The following EXOC2 variants were observed in gnomAD, a reference collection of about 807,000 sequenced individuals.
EXOC2 encodes exocyst complex component 2.
EXOC2 carries 70 observed loss-of-function variants against 131.8 expected under a neutral mutation model. That is an observed-to-expected ratio of 0.53 (90% CI 0.44 to 0.65). The LOEUF (loss-of-function observed/expected upper bound fraction) is 0.65, where lower values mean the gene tolerates loss of function less well. Ranked by LOEUF, EXOC2 falls within the 30% of genes least tolerant of loss-of-function variation. The pLI is 0.00. For missense variants in EXOC2, 923 were observed against 1,108.6 expected (o/e 0.83, Z 2.38); for synonymous variants, 411 against 398.4 (o/e 1.03, Z -0.38).
chr6:487,132 G>C (rs1274839050), intron 27 of EXOC2, among the ~76,000 whole-genome samples: 1 of 152,126 alleles, frequency 6.6e-6, no homozygotes, highest in Non-Finnish European at 1.5e-5. Context: ...CGCTGGCAAA[G>C]CCATACCGGA....
chr6:568,442 C>A (rs2127591089), intron 13 of EXOC2, among the ~76,000 whole-genome samples: 1 of 152,326 alleles, frequency 6.6e-6, no homozygotes, highest in African/African-American at 2.4e-5. Flanking sequence ...ACAGCATCGG[C>A]CATCCAGCTG....
At chr6:585,791 C>T (rs958506807) in intron 11 of EXOC2, among the ~76,000 whole-genome samples, 8 of 152,132 alleles carry the variant, frequency 5.3e-5, no homozygotes, top group African/African-American at 1.9e-4. Context: ...ATTATTTTTC[C>T]GTTTGAAATA....
At chr6:561,536 A>C (rs1462411779) in intron 17 of EXOC2, among the ~76,000 whole-genome samples, 1 of 152,176 alleles carries the variant, frequency 6.6e-6, no homozygotes, top group East Asian at 1.9e-4. Flanking sequence ...AGACCATTTC[A>C]TTCTAGTTTC....
At chr6:547,358 G>A (rs1261580875) in intron 22 of EXOC2, among the ~76,000 whole-genome samples, 2 of 152,194 alleles carry the variant, frequency 1.3e-5, no homozygotes, top group Non-Finnish European at 2.9e-5. Flanking sequence ...CACTTGGCCT[G>A]CCCTGGCTCA....
intron 4 of EXOC2, among the ~76,000 whole-genome samples, chr6:622,441 G>T (rs1761339599): frequency 6.6e-6 from 1 of 152,220 alleles, no homozygotes; most frequent in South Asian, 2.1e-4. Flanking sequence ...CGCCCATGGT[G>T]CTGCGCTGTG....
chr6:658,677 T>TG (rs1763275329), intron 1 of EXOC2, among the ~76,000 whole-genome samples: 2 of 143,000 alleles, frequency 1.4e-5, no homozygotes, highest in South Asian at 4.3e-4. Context: ...TTTTTTTTTT[T>TG]TTAGACGAAG....
At chr6:653,115 C>T (rs1182215931) in intron 1 of EXOC2, among the ~76,000 whole-genome samples, 2 of 152,156 alleles carry the variant, frequency 1.3e-5, no homozygotes, top group East Asian at 3.8e-4. Flanking sequence ...ACTGTTCCAC[C>T]AACCAGCATT....
intron 17 of EXOC2, among the ~76,000 whole-genome samples, chr6:560,396 T>C (rs909883611): frequency 2.6e-5 from 4 of 152,252 alleles, no homozygotes; most frequent in African/African-American, 9.6e-5. Flanking sequence ...AGGTGTATAA[T>C]GTTAGCCACA....
At chr6:629,763 C>T (rs1581589738) in intron 4 of EXOC2, 72 bp downstream of exon 4, 1 of 1,559,668 alleles carries the variant, frequency 6.4e-7, no homozygotes, top group East Asian at 2.3e-5. Context: ...AGTTTGAGTC[C>T]CTTTCCTGTA....
Position 522,111 on chromosome 6 carries a change from C to T in EXOC2, c.2380+10358G>A, listed in dbSNP as rs181912286. 7.9e-5 allele frequency among the ~76,000 whole-genome samples: 12 copies of T among 152,340 alleles called. No homozygotes were observed. In the East Asian group the frequency reaches 2.1e-3, roughly 27 times the overall value. On this transcript the variant is annotated intron_variant, in intron 23 of 27. Transcript: ENST00000230449. ...CTGGATGCTTACTCCAAGCCAGGTG[C>T]CTGGCTAATCATGGATACAGAGAGG...
intron 1 of EXOC2, among the ~76,000 whole-genome samples, chr6:638,681 C>G (rs1044488340): frequency 3.9e-5 from 6 of 152,146 alleles, no homozygotes; most frequent in African/African-American, 1.4e-4. Context: ...GCCTGTAATC[C>G]CAGCACTGTC....
intron 4 of EXOC2, among the ~76,000 whole-genome samples, chr6:622,563 GA>G (rs1761347031): frequency 6.6e-6 from 1 of 152,176 alleles, no homozygotes; most frequent in Non-Finnish European, 1.5e-5. Context: ...AGTAACGCAA[GA>G]AAGTATAAAA....
Position 564,557 on chromosome 6 carries a change from A to G in EXOC2, c.1655T>C (p.Ile552Thr). 1 of 1,614,132 alleles carries G rather than the reference A, an allele frequency of 6.2e-7. No homozygotes were observed. The highest frequency in any genetic ancestry group is 8.5e-7 in the Non-Finnish European group (1 of 1,180,032). Residue 552 changes from isoleucine (I) to threonine (T), a missense_variant, in exon 15 of 28, where the codon ATC (isoleucine) becomes ACC (threonine). By Grantham distance (89) the Ile-to-Thr change is moderately conservative (BLOSUM62 -1). Transcript: ENST00000230449. ...TGTCCATACTCACCTTACAGTCTGGATGGCGTGAGCGAGCCACTGTCCGGA... is the reference window on the plus strand; with the variant it reads ...TGTCCATACTCACCTTACAGTCTGGGTGGCGTGAGCGAGCCACTGTCCGGA... ...ELSGQWLAHA[I>T]QTVRLTHESL... is the part of the protein sequence containing the mutation.
chr6:571,506 T>C (rs1028423742), intron 13 of EXOC2, among the ~76,000 whole-genome samples: 5 of 152,186 alleles, frequency 3.3e-5, no homozygotes, highest in African/African-American at 1.2e-4. Context: ...ATTTCCTTAA[T>C]ATCAGCATGA....
chr6:664,863 CT>C (rs149339285), intron 1 of EXOC2, among the ~76,000 whole-genome samples: 1,983 of 152,238 alleles, frequency 0.013, 49 homozygotes, highest in African/African-American at 0.045. Context: ...AAAACCCCTT[CT>C]AGACATTGGC....
intron 22 of EXOC2, among the ~76,000 whole-genome samples, chr6:537,538 T>G (rs1343475588): frequency 1.3e-5 from 2 of 152,196 alleles, no homozygotes; most frequent in Non-Finnish European, 2.9e-5. Context: ...GTGTACACTC[T>G]GGAAAACTAC....
Position 599,209 on chromosome 6 carries a change from T to A in EXOC2, c.759A>T (p.Ala253=). The change falls in exon 8 of 28, where the codon GCA becomes GCT. Residue 253 remains alanine, a synonymous_variant. Coordinates refer to ENST00000230449, the MANE Select transcript of EXOC2 (RefSeq NM_018303.6). ...ENVLNRASNT[A]DTLFQEVLGR... The stretch of plus-strand genomic sequence containing the variant: ...CTAATACTTCTTGAAACAATGTGTC[T>A]GCAGTATTACTTGCTCCTGTTTTAA... The A allele has an allele frequency of 6.3e-7, 1 of 1,593,984 alleles. No individual in the cohort carries two copies. Among genetic ancestry groups the A allele is most frequent in the Non-Finnish European group, 8.6e-7 (1 of 1,168,834 alleles).
rs140250690 is a variant in EXOC2, at chr6:520,720, A to C, written c.2380+11749T>G. ...GCCGTCCACACTCGGAGACGAAAAC[A>C]ACCACGCACGGAGCGCCGACACTCA... On this transcript the variant is annotated intron_variant, in intron 23 of 27. Transcript: ENST00000230449. Among the ~76,000 whole-genome samples, 56 of 68,696 alleles carry C rather than the reference A, an allele frequency of 8.2e-4. 2 individuals carry two copies. Among genetic ancestry groups the C allele is most frequent in the Admixed American group, 1.3e-3 (8 of 6,294 alleles). The allele number at this position is 68,696 out of a possible 152,430, so 45.1% of individuals were successfully genotyped here.
chr6:614,110 G>C (rs1760856396), intron 6 of EXOC2, among the ~76,000 whole-genome samples: 1 of 152,052 alleles, frequency 6.6e-6, no homozygotes, highest in Non-Finnish European at 1.5e-5. Flanking sequence ...TTGTCCTTAG[G>C]TCCTGGGAGG....
Sources: allele counts gnomAD v4.1 joint callset (sites outside exome capture counted in the v4.1 genomes callset), GRCh38; gene constraint gnomAD v4.1.1; transcripts MANE v1.5; gene names NCBI Gene and HGNC (gene_info 2026-07-23, HGNC 2026-07-21).